The following CHD9 variants were observed in gnomAD, a reference collection of about 807,000 sequenced individuals.
CHD9 encodes the protein ATP-dependent chromatin remodeler CHD9.
A neutral mutation model predicts 316.1 loss-of-function variants in CHD9; 77 were observed. The ratio of observed to expected loss-of-function variants is 0.24; its 90% CI spans 0.20 to 0.29. The LOEUF is 0.29. Ranked by LOEUF, CHD9 falls within the 10% of genes least tolerant of loss-of-function variation. The probability of loss-of-function intolerance (pLI) is 1.00; values close to 1 mark genes in which losing one functional copy is unlikely to be tolerated. For synonymous variants in CHD9, 1,129 were observed against 1,158.3 expected (o/e 0.97, Z 0.51); for missense variants, 2,763 against 3,438.1 (o/e 0.80, Z 4.91).
Position 53,304,027 on chromosome 16 carries a change from T to C in CHD9, c.6021T>C (p.Ala2007=). The part of the protein sequence containing the change: ...AQRNYSQSKM[A]HSRTSTPLLQ... ...GGAACTACAGTCAAAGTAAGATGGCTCATTCAAGGACTTCTACCCCACTTC... is the reference window on the plus strand; with the variant it reads ...GGAACTACAGTCAAAGTAAGATGGCCCATTCAAGGACTTCTACCCCACTTC... The change falls in exon 31 of 39, where the codon GCT becomes GCC. Residue 2007 remains alanine (A), a synonymous_variant. Transcript: ENST00000447540. 2 of 1,614,036 alleles carry C rather than the reference T, an allele frequency of 1.2e-6. No homozygotes were observed. The highest frequency in any genetic ancestry group is 1.7e-6 in the Non-Finnish European group (2 of 1,179,886).
chr16:53,086,720 A>G (rs2152544381), intron 1 of CHD9, among the ~76,000 whole-genome samples: 1 of 152,366 alleles, frequency 6.6e-6, no homozygotes, highest in East Asian at 1.9e-4. Context: ...ATTACTAACA[A>G]AAATTTCAAA....
At position 53,171,601 on chromosome 16, in the gene CHD9, A is replaced by AG. The variant is rs2042728019; in HGVS notation, c.1452+14060_1452+14061insG. Among the ~76,000 whole-genome samples the AG allele has an allele frequency of 5.3e-5, 8 of 151,592 alleles. No individual in the cohort carries two copies. In the South Asian group the frequency reaches 1.3e-3, roughly 24 times the overall value. ...GCTGTGGCTCATGTTTATAATACTA[A>AG]CACTTTGGGAGGCCGAGGCAGGTGA... On this transcript the variant is annotated intron_variant, in intron 2 of 38. Transcript: ENST00000447540.
rs1453650812 is a variant in CHD9, at chr16:53,156,630, C to G, written c.541C>G (p.Gln181Glu). The G allele has an allele frequency of 1.2e-6, 2 of 1,613,922 alleles. No individual in the cohort carries two copies. The highest frequency in any genetic ancestry group is 1.7e-6 in the Non-Finnish European group (2 of 1,179,862). Residue 181 changes from glutamine (Q) to glutamate (E), a missense_variant, in exon 2 of 39, where the codon CAA (glutamine) becomes GAA (glutamate). Physicochemically the swap from Gln to Glu is conservative, Grantham distance 29 (BLOSUM62 2). Around this residue, in one of 15 missense-constraint regions of CHD9, gnomAD observed 859 missense variants for 890.4 expected, o/e 0.96. Coordinates refer to ENST00000447540, the MANE Select transcript of CHD9 (RefSeq NM_001308319.2). ...ACAGTGTACTTCACTACGCTCACAA[C>G]AAAACAGAAATAATCTCAACCCAGG... ...QTQCTSLRSQ[Q>E]NRNNLNPGQN...
chr16:53,279,360 T>TG (rs1306224500), intron 24 of CHD9, among the ~76,000 whole-genome samples: 1 of 143,290 alleles, frequency 7.0e-6, no homozygotes, highest in Non-Finnish European at 1.5e-5. Context: ...GGGCCTGTCG[T>TG]GGGGTGGGGG....
chr16:53,292,642 A>C (rs2054440313), intron 28 of CHD9, among the ~76,000 whole-genome samples, 191 bp from the exon 29 acceptor site: 1 of 152,146 alleles, frequency 6.6e-6, no homozygotes, highest in Admixed American at 6.5e-5. Context: ...TATTGTACCT[A>C]CTTTGAACTG....
At chr16:53,117,656 T>C (rs2038421091) in intron 1 of CHD9, among the ~76,000 whole-genome samples, 1 of 152,054 alleles carries the variant, frequency 6.6e-6, no homozygotes, top group South Asian at 2.1e-4. Flanking sequence ...CCTCAGGTAA[T>C]CTACCTGCCT....
chr16:53,238,276 A>G (rs1386588011), intron 11 of CHD9, 67 bp from the exon 12 acceptor site: 17 of 1,299,672 alleles, frequency 1.3e-5, no homozygotes, highest in Non-Finnish European at 1.7e-5. Context: ...TTATTTTTGT[A>G]TATTTATCTT....
At chr16:53,234,809 T>C (rs2152932214) in intron 10 of CHD9, among the ~76,000 whole-genome samples, 1 of 135,360 alleles carries the variant, frequency 7.4e-6, no homozygotes, top group East Asian at 2.1e-4. Flanking sequence ...CTTCCATTCC[T>C]GGTTAAAAAA....
In CHD9 at chr16:53,306,262, T is replaced by C; in HGVS notation, c.6645T>C (p.Tyr2215=). The change falls in exon 32 of 39, where the codon TAT becomes TAC. Residue 2215 remains tyrosine, a synonymous_variant. Coordinates refer to ENST00000447540, the MANE Select transcript of CHD9 (RefSeq NM_001308319.2). ...KRESTTHMKA[Y]DEESVASLST... ...AAAGTACTACTCACATGAAAGCCTATGATGAAGAAAGCGTCGCGTCACTGA... is the reference window on the plus strand; with the variant it reads ...AAAGTACTACTCACATGAAAGCCTACGATGAAGAAAGCGTCGCGTCACTGA... 1 of 1,583,736 alleles carries C rather than the reference T, an allele frequency of 6.3e-7. No homozygotes were observed. The highest frequency in any genetic ancestry group is 8.6e-7 in the Non-Finnish European group (1 of 1,168,786).
At chr16:53,246,803 C>G (rs2049669625) in intron 15 of CHD9, among the ~76,000 whole-genome samples, 1 of 152,088 alleles carries the variant, frequency 6.6e-6, no homozygotes, top group African/African-American at 2.4e-5. Flanking sequence ...AAATTACAGG[C>G]ACGAGCCACT....
At chr16:53,214,145 T>C (rs886290667) in intron 3 of CHD9, among the ~76,000 whole-genome samples, 6 of 152,174 alleles carry the variant, frequency 3.9e-5, no homozygotes, top group Admixed American at 3.9e-4. Flanking sequence ...GTTAATTACG[T>C]GCTATCATAT....
chr16:53,297,108 A>G lies in CHD9; in HGVS notation c.5663A>G (p.Tyr1888Cys). Residue 1888 changes from tyrosine (Y) to cysteine (C), a missense_variant, in exon 30 of 39, where the codon TAC becomes TGC. Physicochemically the swap from Tyr to Cys is radical, Grantham distance 194. Transcript: ENST00000447540. ...KTDDSLEKYL[Y>C]AFMSMCRRVC... ...GATGATAGTTTGGAAAAATATTTGTACGCATTCATGTCCATGTGTCGGAGG... is the reference window on the plus strand; with the variant it reads ...GATGATAGTTTGGAAAAATATTTGTGCGCATTCATGTCCATGTGTCGGAGG... The G allele has an allele frequency of 1.9e-6, 3 of 1,613,854 alleles. No individual in the cohort carries two copies. Among genetic ancestry groups the G allele is most frequent in the Non-Finnish European group, 1.7e-6 (2 of 1,179,822 alleles).
At chr16:53,202,371 A>T (rs2045531775) in intron 2 of CHD9, among the ~76,000 whole-genome samples, 1 of 151,384 alleles carries the variant, frequency 6.6e-6, no homozygotes, top group Admixed American at 6.6e-5. Flanking sequence ...CATTTTGTTG[A>T]GGTCTTTTAA....
chr16:53,292,197 C>G (rs913186294), intron 28 of CHD9, among the ~76,000 whole-genome samples: 1 of 152,156 alleles, frequency 6.6e-6, no homozygotes, highest in Non-Finnish European at 1.5e-5. Context: ...CACAAGAGTA[C>G]ACTCACTCCC....
intron 34 of CHD9, among the ~76,000 whole-genome samples, chr16:53,310,635 G>A (rs2094678722): frequency 6.6e-6 from 1 of 151,296 alleles, no homozygotes; most frequent in East Asian, 2.0e-4. Context: ...ATCACCTGAG[G>A]TCAGGAGTTC....
chr16:53,292,515 T>G (rs182550227), intron 28 of CHD9, among the ~76,000 whole-genome samples: 35 of 152,334 alleles, frequency 2.3e-4, no homozygotes, highest in Non-Finnish European at 2.9e-5. Flanking sequence ...CAGCCTCTCA[T>G]GGATTCAGTT....
intron 36 of CHD9, among the ~76,000 whole-genome samples, chr16:53,317,522 T>A (rs1177357695): frequency 6.6e-6 from 1 of 152,182 alleles, no homozygotes; most frequent in Non-Finnish European, 1.5e-5. Flanking sequence ...AGACAGGGCC[T>A]CACTTTGTTG....
intron 20 of CHD9, among the ~76,000 whole-genome samples, chr16:53,266,590 A>G (rs1383316021): frequency 6.6e-6 from 1 of 152,204 alleles, no homozygotes; most frequent in Non-Finnish European, 1.5e-5. Flanking sequence ...CATCCCAAAT[A>G]GCATTTGTTT....
At chr16:53,120,597 G>T (rs1404694862) in intron 1 of CHD9, among the ~76,000 whole-genome samples, 1 of 150,440 alleles carries the variant, frequency 6.6e-6, no homozygotes. Context: ...TGGGCAACAA[G>T]AGTGAAACTC....
Sources: allele counts gnomAD v4.1 joint callset (sites outside exome capture counted in the v4.1 genomes callset), GRCh38; gene constraint gnomAD v4.1.1; regional missense constraint gnomAD v4.1.1; transcripts MANE v1.5; gene names NCBI Gene and HGNC (gene_info 2026-07-23, HGNC 2026-07-21).